NRG3: variants seen among roughly 807,000 people sequenced by gnomAD.
NRG3 encodes pro-neuregulin-3, membrane-bound isoform.
Under a neutral mutation model 66.9 loss-of-function variants are expected in NRG3, and 31 were observed. The ratio of observed to expected loss-of-function variants is 0.46; its 90% confidence interval spans 0.35 to 0.63. The LOEUF (loss-of-function observed/expected upper bound fraction) is 0.63, where lower values mean the gene tolerates loss of function less well. NRG3 is among the 20% of genes least tolerant of loss of function. The probability of loss-of-function intolerance (pLI) is 0.00; values close to 1 mark genes in which losing one functional copy is unlikely to be tolerated. For synonymous variants in NRG3, 393 were observed against 359.4 expected (o/e 1.09, Z -1.06); for missense variants, 910 against 878.9 (o/e 1.04, Z -0.45).
chr10:82,659,090 G>A (rs2052105181), intron 2 of NRG3, among the ~76,000 whole-genome samples: 1 of 152,156 alleles, frequency 6.6e-6, no homozygotes, highest in Non-Finnish European at 1.5e-5. Context: ...AGTAATCTTT[G>A]AAATCTGGGA....
intron 2 of NRG3, among the ~76,000 whole-genome samples, chr10:82,409,912 A>C (rs1174247320): frequency 6.6e-6 from 1 of 152,124 alleles, no homozygotes; most frequent in East Asian, 1.9e-4. Flanking sequence ...TGGCTTTGTC[A>C]GCTTTGTATT....
intron 2 of NRG3, among the ~76,000 whole-genome samples, chr10:82,475,008 T>C (rs1841637280): frequency 6.6e-6 from 1 of 151,526 alleles, no homozygotes; most frequent in African/African-American, 2.4e-5. Context: ...AAAAAAAACT[T>C]ATCAACCAAG....
intron 2 of NRG3, among the ~76,000 whole-genome samples, chr10:82,448,562 G>A (rs892084446): frequency 1.3e-5 from 2 of 152,090 alleles, no homozygotes; most frequent in South Asian, 4.2e-4. Context: ...ATAAACATAG[G>A]GATATCAAAT....
intron 3 of NRG3, among the ~76,000 whole-genome samples, chr10:82,774,116 A>C (rs2059812864): frequency 6.6e-6 from 1 of 152,118 alleles, no homozygotes; most frequent in African/African-American, 2.4e-5. Flanking sequence ...TGTTTCATTG[A>C]GTATTGTTAC....
chr10:82,119,169 T>C (rs1255275137), intron 1 of NRG3, among the ~76,000 whole-genome samples: 2 of 152,154 alleles, frequency 1.3e-5, no homozygotes, highest in Admixed American at 6.6e-5. Context: ...TTTAAAATTA[T>C]GAAAAGATGA....
At chr10:81,905,809 C>T (rs929342904) in intron 1 of NRG3, among the ~76,000 whole-genome samples, 3 of 152,200 alleles carry the variant, frequency 2.0e-5, no homozygotes, top group Non-Finnish European at 4.4e-5. Context: ...CTATTCTGCT[C>T]TACCCTGGTA....
chr10:82,701,601 T>C (rs2055887077), intron 2 of NRG3, among the ~76,000 whole-genome samples: 1 of 152,200 alleles, frequency 6.6e-6, no homozygotes, highest in Admixed American at 6.6e-5. Flanking sequence ...TGATGGATGA[T>C]GAAAATTTCA....
intron 2 of NRG3, among the ~76,000 whole-genome samples, chr10:82,543,429 G>A (rs1474540835): frequency 2.6e-5 from 4 of 152,100 alleles, no homozygotes; most frequent in Non-Finnish European, 5.9e-5. Flanking sequence ...GAAAAAATAA[G>A]TATTGCTGTT....
intron 1 of NRG3, among the ~76,000 whole-genome samples, chr10:82,332,757 G>A (rs1262265244): frequency 6.6e-6 from 1 of 152,118 alleles, no homozygotes; most frequent in African/African-American, 2.4e-5. Context: ...TGATCCATTT[G>A]CTATATTTTG....
chr10:82,288,811 C>T (rs141549899), intron 1 of NRG3, among the ~76,000 whole-genome samples: 1 of 152,200 alleles, frequency 6.6e-6, no homozygotes, highest in South Asian at 2.1e-4. Flanking sequence ...ACTTATCTGC[C>T]TACACACTGT....
intron 1 of NRG3, among the ~76,000 whole-genome samples, chr10:82,325,386 C>T (rs1357699189): frequency 2.0e-5 from 3 of 152,116 alleles, no homozygotes; most frequent in East Asian, 1.9e-4. Flanking sequence ...GACAAGGACT[C>T]GCTGTGTTGC....
intron 2 of NRG3, among the ~76,000 whole-genome samples, chr10:82,485,840 A>G (rs1842638228): frequency 6.6e-6 from 1 of 152,128 alleles, no homozygotes; most frequent in South Asian, 2.1e-4. Flanking sequence ...AAAAAGAAAC[A>G]GTTAAGGGAG....
At chr10:82,900,801 C>G (rs1844146556) in intron 4 of NRG3, among the ~76,000 whole-genome samples, 1 of 152,102 alleles carries the variant, frequency 6.6e-6, no homozygotes, top group African/African-American at 2.4e-5. Context: ...AAGGCTAAAG[C>G]CTTTATTATG....
chr10:81,909,034 T>A (rs988555917), intron 1 of NRG3, among the ~76,000 whole-genome samples: 1 of 152,166 alleles, frequency 6.6e-6, no homozygotes, highest in African/African-American at 2.4e-5. Context: ...GACCTGAGGC[T>A]ACATGTTTGA....
chr10:81,941,184 A>G (rs1848374406), intron 1 of NRG3, among the ~76,000 whole-genome samples: 1 of 152,224 alleles, frequency 6.6e-6, no homozygotes, highest in South Asian at 2.1e-4. Flanking sequence ...TTAGCACCCC[A>G]TTTCATAATT....
intron 1 of NRG3, among the ~76,000 whole-genome samples, chr10:82,192,313 G>A (rs1462961850): frequency 6.6e-6 from 1 of 152,166 alleles, no homozygotes; most frequent in African/African-American, 2.4e-5. Context: ...CTTTACTCCT[G>A]TGCAGTATTT....
rs199540389 is a variant in NRG3 at position 82,182,015 on chromosome 10, T to C, written c.824-176724T>C. ...TTATCATTATATAATATCCTTGCTC[T>C]TGTGACAGTTTTTGACTTAAAATGT... On this transcript the variant is annotated intron_variant, in intron 1 of 8. Transcript: ENST00000372141. Among the ~76,000 whole-genome samples the C allele has an allele frequency of 2.6e-5, 4 of 151,858 alleles. No individual in the cohort carries two copies. The East Asian group carries it at 5.8e-4, about 22-fold the overall frequency.
At chr10:82,059,398 A>G (rs975954522) in intron 1 of NRG3, among the ~76,000 whole-genome samples, 3 of 152,180 alleles carry the variant, frequency 2.0e-5, no homozygotes, top group Non-Finnish European at 2.9e-5. Context: ...AGATTAGGTA[A>G]TGACTAAGAT....
intron 2 of NRG3, among the ~76,000 whole-genome samples, chr10:82,529,542 T>C (rs1238679694): frequency 6.6e-6 from 1 of 152,224 alleles, no homozygotes; most frequent in South Asian, 2.1e-4. Flanking sequence ...GCAATGCTTA[T>C]TTTTAAATAA....
Sources: allele counts gnomAD v4.1 joint callset (sites outside exome capture counted in the v4.1 genomes callset), GRCh38; gene constraint gnomAD v4.1.1; transcripts MANE v1.5; gene names NCBI Gene and HGNC (gene_info 2026-07-23, HGNC 2026-07-21).